ANKRD17: variants seen among roughly 807,000 people sequenced by gnomAD.
The protein encoded by ANKRD17 is ankyrin repeat domain 17.
Under a neutral mutation model 229.7 loss-of-function variants are expected in ANKRD17, and 19 were observed. The ratio of observed to expected loss-of-function variants is 0.08; its 90% CI spans 0.06 to 0.12. ANKRD17 has a LOEUF of 0.12. Among genes scored for constraint, ANKRD17 ranks in the 10% least tolerant of loss-of-function variants. The probability of loss-of-function intolerance (pLI) is 1.00; values close to 1 mark genes in which losing one functional copy is unlikely to be tolerated. For missense variants in ANKRD17, 2,176 were observed against 3,176.8 expected, an observed-to-expected ratio of 0.68 and a Z score of 7.57; for synonymous variants, 1,112 against 1,146.1, an observed-to-expected ratio of 0.97 and a Z score of 0.60.
At chr4:73,152,733 T>A (rs1168637991) in intron 6 of ANKRD17, among the ~76,000 whole-genome samples, 1 of 151,900 alleles carries the variant, frequency 6.6e-6, no homozygotes, top group Non-Finnish European at 1.5e-5. Context: ...AAAGTATTTG[T>A]GAGAAGGGGA....
At position 73,090,787 on chromosome 4, in the gene ANKRD17, C is replaced by G; in HGVS notation, c.6841G>C (p.Glu2281Gln). The change falls in exon 29 of 34, where the codon GAA becomes CAA. Residue 2281 changes from glutamate to glutamine, a missense_variant. Transcript: ENST00000358602. ...GAGGATTTTCCTGATAGCATAGATT[C>G]TGGTGTTGACTGAGATGAAACAACA... Reference protein sequence around the residue: ...GSVVSSQSTPESMLSGKSSYL... With the variant: ...GSVVSSQSTPQSMLSGKSSYL... 1 of 1,614,174 alleles carries G rather than the reference C, an allele frequency of 6.2e-7. No individual in the cohort carries two copies. Among genetic ancestry groups the G allele is most frequent in the Non-Finnish European group, 8.5e-7 (1 of 1,180,040 alleles).
chr4:73,186,125 C>A (rs1315160367), intron 1 of ANKRD17, among the ~76,000 whole-genome samples: 1 of 151,968 alleles, frequency 6.6e-6, no homozygotes. Context: ...CTCTTCTGAA[C>A]ATGACCCAGA....
intron 18 of ANKRD17, among the ~76,000 whole-genome samples, chr4:73,123,828 G>A (rs1198180338): frequency 2.0e-5 from 3 of 151,924 alleles, no homozygotes; most frequent in Non-Finnish European, 4.4e-5. Context: ...GCTAGTTTAA[G>A]ATGCTCAAAT....
At chr4:73,121,197 A>T in intron 19 of ANKRD17, 103 bp from the exon 20 acceptor site, 1 of 1,029,410 alleles carries the variant, frequency 9.7e-7, no homozygotes, top group Non-Finnish European at 1.5e-6. Context: ...ATTTTGAAGG[A>T]TTGTTTAAAA....
Position 73,090,907 on chromosome 4 carries a change from T to C in ANKRD17, c.6721A>G (p.Ile2241Val), listed in dbSNP as rs1722731296. The change falls in exon 29 of 34, where the codon ATT becomes GTT. Residue 2241 changes from isoleucine (I) to valine (V), a missense_variant. By Grantham distance (29) the Ile-to-Val change is conservative. Transcript: ENST00000358602. ...AAGGGGGCACTGAAATTGGGAGCAA[T>C]AGGCTTATTTGCTGGATGTACTGAA... ...QNSVHPANKP[I>V]APNFSAPLPF... 4 of 1,614,178 alleles carry C rather than the reference T, an allele frequency of 2.5e-6. No individual in the cohort carries two copies. Among genetic ancestry groups the C allele is most frequent in the Non-Finnish European group, 2.5e-6 (3 of 1,180,038 alleles).
intron 1 of ANKRD17, among the ~76,000 whole-genome samples, chr4:73,248,694 T>C (rs1744722306): frequency 6.6e-6 from 1 of 152,050 alleles, no homozygotes; most frequent in African/African-American, 2.4e-5. Context: ...ATGTAAGTTT[T>C]ACTAACTACA....
rs147467741 is a variant in ANKRD17 at position 73,212,643 on chromosome 4, C to T, written c.394-35110G>A. ...CAGATGTGATACAAAATCTTAAAAACGAAAACTTTCTGATATGTGTGAACA... is the reference window on the plus strand; with the variant it reads ...CAGATGTGATACAAAATCTTAAAAATGAAAACTTTCTGATATGTGTGAACA... On this transcript the variant is annotated intron_variant, in intron 1 of 33. Coordinates refer to ENST00000358602, the MANE Select transcript of ANKRD17 (RefSeq NM_032217.5). 4.1e-3 allele frequency among the ~76,000 whole-genome samples: 628 copies of T among 151,450 alleles called. 4 individuals are homozygous for T. Among genetic ancestry groups the T allele is most frequent in the Middle Eastern group, 0.014 (4 of 290 alleles).
intron 2 of ANKRD17, among the ~76,000 whole-genome samples, chr4:73,165,742 G>C (rs920423821): frequency 2.0e-5 from 3 of 152,162 alleles, no homozygotes; most frequent in Non-Finnish European, 2.9e-5. Context: ...TTGGAGATAA[G>C]GAAGTCAGAG....
At position 73,236,867 on chromosome 4, in the gene ANKRD17, C is replaced by T. The variant is rs543982605; in HGVS notation, c.393+21409G>A. On this transcript the variant is annotated intron_variant, in intron 1 of 33. Coordinates refer to ENST00000358602, the MANE Select transcript of ANKRD17 (RefSeq NM_032217.5). ...GACAACAAGGTTAAGTAGTAACTGT[C>T]CCCAAATCACACAGTGTTAAAGCAG... Among the ~76,000 whole-genome samples, 611 of 152,254 alleles carry T rather than the reference C, an allele frequency of 4.0e-3. 1 individual carries two copies. The highest frequency in any genetic ancestry group is 7.4e-3 in the Non-Finnish European group (500 of 68,014).
At chr4:73,137,574 C>T (rs973569251) in intron 15 of ANKRD17, among the ~76,000 whole-genome samples, 3 of 152,104 alleles carry the variant, frequency 2.0e-5, no homozygotes, top group African/African-American at 4.8e-5. Context: ...AAGATTGAGG[C>T]TGCAAAAGTC....
chr4:73,080,295 T>TA (rs1262482614), intron 30 of ANKRD17, among the ~76,000 whole-genome samples: 1 of 151,666 alleles, frequency 6.6e-6, no homozygotes, highest in Non-Finnish European at 1.5e-5. Flanking sequence ...CTGTTGACAA[T>TA]AAAAGCACTC....
chr4:73,161,372 TA>T (rs1732499646), intron 2 of ANKRD17, 24 bp from the exon 3 acceptor site: 2 of 1,611,544 alleles, frequency 1.2e-6, no homozygotes, highest in African/African-American at 1.3e-5. Flanking sequence ...TTCACACCAA[TA>T]TGGACACACC....
chr4:73,135,363 T>C (rs1728759880), intron 15 of ANKRD17, 98 bp from the exon 16 acceptor site: 3 of 1,220,620 alleles, frequency 2.5e-6, no homozygotes, highest in African/African-American at 3.1e-5. Flanking sequence ...CTTAAAACAA[T>C]ATGTCTACAG....
Position 73,201,448 on chromosome 4 carries a change from A to T in ANKRD17, c.394-23915T>A, listed in dbSNP as rs966005470. Among the ~76,000 whole-genome samples, 5 of 152,208 alleles carry T rather than the reference A, an allele frequency of 3.3e-5. No homozygotes were observed. In the East Asian group the frequency reaches 9.6e-4, roughly 29 times the overall value. ...TGATTTTCAGAAAAATTAATAAAATAGAAAAAAAAACTACAGGAAAATGTA... is the reference window on the plus strand; with the variant it reads ...TGATTTTCAGAAAAATTAATAAAATTGAAAAAAAAACTACAGGAAAATGTA... On this transcript the variant is annotated intron_variant, in intron 1 of 33. Coordinates refer to ENST00000358602, the MANE Select transcript of ANKRD17 (RefSeq NM_032217.5).
intron 1 of ANKRD17, among the ~76,000 whole-genome samples, chr4:73,225,705 A>G (rs1742388869): frequency 6.6e-6 from 1 of 151,494 alleles, no homozygotes; most frequent in African/African-American, 2.4e-5. Context: ...CTAAAAATAC[A>G]AAAACAATAA....
intron 28 of ANKRD17, among the ~76,000 whole-genome samples, chr4:73,093,376 C>CT (rs11368928): frequency 0.83 from 93,189 of 112,818 alleles, 38,722 homozygotes; most frequent in Non-Finnish European, 0.84. Flanking sequence ...AACTCAAATT[C>CT]TTTTTTTTTT....
chr4:73,207,276 T>C (rs746790990), intron 1 of ANKRD17, among the ~76,000 whole-genome samples: 2 of 152,018 alleles, frequency 1.3e-5, no homozygotes, highest in Non-Finnish European at 2.9e-5. Context: ...TTTGTCAATT[T>C]AAATAAAAGT....
chr4:73,130,038 T>G (rs1490443892), intron 16 of ANKRD17, among the ~76,000 whole-genome samples: 1 of 151,964 alleles, frequency 6.6e-6, no homozygotes, highest in Non-Finnish European at 1.5e-5. Context: ...GTGCTGGGAT[T>G]ACAGGTGTGA....
chr4:73,085,826 T>TAA (rs71711863), intron 29 of ANKRD17, among the ~76,000 whole-genome samples: 1,679 of 143,134 alleles, frequency 0.012, 16 homozygotes, highest in South Asian at 0.02. Flanking sequence ...TACAAAAAAT[T>TAA]AAAAAAAAAA....
Sources: allele counts gnomAD v4.1 joint callset (sites outside exome capture counted in the v4.1 genomes callset), GRCh38; gene constraint gnomAD v4.1.1; transcripts MANE v1.5; gene names NCBI Gene and HGNC (gene_info 2026-07-23, HGNC 2026-07-21).